Variants in SBK1 observed in about 807,000 individuals in gnomAD.
SBK1 encodes SH3 domain binding kinase 1.
SBK1 carries 11 observed loss-of-function variants against 24.4 expected under a neutral mutation model. The ratio of observed to expected loss-of-function variants is 0.45; its 90% CI spans 0.28 to 0.75. The LOEUF (loss-of-function observed/expected upper bound fraction) is 0.75. SBK1 is among the 30% of genes least tolerant of loss of function. The probability of loss-of-function intolerance (pLI) is 0.12; values close to 1 mark genes in which losing one functional copy is unlikely to be tolerated. For synonymous variants in SBK1, 308 were observed against 284.4 expected (o/e 1.08, Z -0.83); for missense variants, 467 against 620.5 (o/e 0.75, Z 2.63).
In SBK1 at chr16:28,322,976, CTCT is replaced by C. The variant is rs2044869215; in HGVS notation, c.*2056_*2058del. ...TCTCTCTCTCTCTCTCTCTCTCTCTCTCTCCTCTCTTTCTCTCTCTCCCTCTCT... is the reference window on the plus strand; with the variant it reads ...TCTCTCTCTCTCTCTCTCTCTCTCTCCCTCTCTTTCTCTCTCTCCCTCTCT... On this transcript the variant is annotated 3_prime_UTR_variant, in exon 4 of 4. Coordinates refer to ENST00000341901, the MANE Select transcript of SBK1 (RefSeq NM_001024401.3). 7.7e-6 allele frequency: 1 copy of C among 129,210 alleles called. No individual in the cohort carries two copies. Among genetic ancestry groups the C allele is most frequent in the Non-Finnish European group, 1.7e-5 (1 of 60,474 alleles). 8.0% of individuals were successfully genotyped at this position (129,210 alleles called of 1,614,324 possible). A position where few individuals can be genotyped will look rare whatever the true frequency, so the allele number is the denominator to read the frequency against.
At chr16:28,288,402 C>T (rs552079484), upstream of SBK1, among the ~76,000 whole-genome samples, 15 of 152,310 alleles carry the variant, frequency 9.8e-5, no homozygotes, top group South Asian at 2.9e-3. Flanking sequence ...CCTTCCATCC[C>T]TTGCACTACT....
chr16:28,315,508 C>A (rs1008140577), intron 1 of SBK1, among the ~76,000 whole-genome samples: 1 of 152,172 alleles, frequency 6.6e-6, no homozygotes, highest in African/African-American at 2.4e-5. Context: ...ACGCTGTAGT[C>A]CCAGCACTTT....
intron 1 of SBK1, among the ~76,000 whole-genome samples, chr16:28,308,815 C>T (rs1242313078): frequency 6.6e-6 from 1 of 151,036 alleles, no homozygotes; most frequent in East Asian, 2.0e-4. Context: ...ATGGGGTCCT[C>T]ACTCTGTTGT....
At chr16:28,273,188 G>T (rs1054717600) in intron 1 of SBK1, among the ~76,000 whole-genome samples, 87 of 151,694 alleles carry the variant, frequency 5.7e-4, no homozygotes, top group African/African-American at 2.0e-3. Context: ...TGGATTAAAG[G>T]TGTGAGCCAC....
chr16:28,268,055 G>C (rs1183885743), intron 1 of SBK1, among the ~76,000 whole-genome samples: 1 of 152,144 alleles, frequency 6.6e-6, no homozygotes, highest in African/African-American at 2.4e-5. Flanking sequence ...GCTGAGGTGG[G>C]AGGATTGCTT....
At chr16:28,266,995 C>T (rs1354606131) in intron 1 of SBK1, among the ~76,000 whole-genome samples, 1 of 152,096 alleles carries the variant, frequency 6.6e-6, no homozygotes. Flanking sequence ...CAACCTCTGC[C>T]TCCAGGGTTC....
intron 1 of SBK1, among the ~76,000 whole-genome samples, chr16:28,310,988 C>T (rs1188499885): frequency 2.6e-5 from 4 of 152,198 alleles, no homozygotes; most frequent in South Asian, 2.1e-4. Flanking sequence ...ATGTACCTGG[C>T]GGATGACGCA....
intron 1 of SBK1, among the ~76,000 whole-genome samples, chr16:28,304,187 A>G (rs2044699516): frequency 6.6e-6 from 1 of 152,232 alleles, no homozygotes; most frequent in African/African-American, 2.4e-5. Context: ...GTTTGGTCAA[A>G]TGAATGGCAG....
intron 1 of SBK1, among the ~76,000 whole-genome samples, chr16:28,314,910 C>T (rs1271773648): frequency 2.0e-5 from 3 of 151,996 alleles, no homozygotes; most frequent in East Asian, 1.9e-4. Context: ...ACCCAAGAGG[C>T]GGAGGTTGCA....
chr16:28,288,537 G>GTTCT (rs2044580268), upstream of SBK1, among the ~76,000 whole-genome samples: 2 of 152,350 alleles, frequency 1.3e-5, no homozygotes, highest in South Asian at 4.1e-4. Flanking sequence ...ACCAGCGCTT[G>GTTCT]TTCTTTCTTT....
intron 1 of SBK1, chr16:28,286,190 C>G (rs529445071): frequency 6.6e-6 from 1 of 152,490 alleles, no homozygotes; most frequent in Admixed American, 6.5e-5. Context: ...GTTTTCCTAT[C>G]AGCAATAACT....
In SBK1 at chr16:28,320,752, C is replaced by A; in HGVS notation, c.1106C>A (p.Ala369Asp). The A allele has an allele frequency of 1.6e-6, 2 of 1,267,140 alleles. No individual in the cohort carries two copies. The allele number at this position is 1,267,140 out of a possible 1,614,324, so 78.5% of individuals were successfully genotyped here. The change falls in exon 4 of 4, where the codon GCC becomes GAC. Residue 369 changes from alanine (A) to aspartate (D), a missense_variant. Physicochemically the swap from Ala to Asp is moderately radical, Grantham distance 126 (BLOSUM62 -2). Around this residue, in one of 4 missense-constraint regions of SBK1, gnomAD observed 166 missense variants for 146.8 expected, o/e 1.13. Transcript: ENST00000341901. This position sits in a 1 kb window ranked among gnomAD's most constrained non-coding sequence, Gnocchi z 8.5. ...AGCGGCTCCCGGCCCGCGCCCCCCG[C>A]CGTCGGGTCGGTGCCCTTGCCCGTG... is the stretch of plus-strand genomic sequence containing the variant. ...SGSGSRPAPP[A>D]VGSVPLPVPV... is the part of the protein sequence containing the mutation.
chr16:28,289,537 G>C (rs145722307), upstream of SBK1, among the ~76,000 whole-genome samples: 155 of 152,292 alleles, frequency 1.0e-3, no homozygotes, highest in African/African-American at 3.5e-3. Context: ...AGGCTGAGGT[G>C]GACAGCTCAC....
chr16:28,277,954 T>C (rs892518478), intron 1 of SBK1, among the ~76,000 whole-genome samples: 3 of 152,254 alleles, frequency 2.0e-5, no homozygotes, highest in African/African-American at 2.4e-5. Context: ...CACAGAACCC[T>C]GGGCTTGGCC....
In SBK1 at chr16:28,272,222, A is replaced by G. The variant is rs1045197295; in HGVS notation, c.257+12720A>G. The stretch of plus-strand genomic sequence containing the variant: ...GTAGCTGGGACTACAGATGCATGCC[A>G]CCATGTCCAGTTAATTTTTAAATTT... On this transcript the variant is annotated intron_variant, in intron 1 of 3. Coordinates refer to the SBK1 transcript ENST00000671413. Among the ~76,000 whole-genome samples the G allele has an allele frequency of 1.7e-4, 26 of 151,940 alleles. No individual in the cohort carries two copies. The Admixed American group carries it at 1.7e-3, about 10-fold the overall frequency.
chr16:28,321,182 A>AACACACACAC lies in SBK1; in HGVS notation c.*308_*317dup, dbSNP rs55860114. On this transcript the variant is annotated 3_prime_UTR_variant, in exon 4 of 4. Transcript: ENST00000341901. ...CCCGAGAATTCGGAGGCCACCACACAACACACACACACACACACACACACA... is the reference window on the plus strand; with the variant it reads ...CCCGAGAATTCGGAGGCCACCACACAACACACACACACACACACACACACACACACACACA... 371 of 192,046 alleles carry AACACACACAC rather than the reference A, an allele frequency of 1.9e-3. 8 individuals are homozygous for AACACACACAC. The highest frequency in any genetic ancestry group is 6.0e-3 in the African/African-American group (194 of 32,518). The allele number at this position is 192,046 out of a possible 1,614,324, so 11.9% of individuals were successfully genotyped here.
intron 1 of SBK1, among the ~76,000 whole-genome samples, chr16:28,308,848 GATC>G (rs2044735218): frequency 6.6e-6 from 1 of 151,644 alleles, no homozygotes; most frequent in South Asian, 2.1e-4. Context: ...ACAGTGGTGT[GATC>G]ATGTCTCACT....
At chr16:28,280,324 ACG>A in intron 1 of SBK1, among the ~76,000 whole-genome samples, 1 of 133,602 alleles carries the variant, frequency 7.5e-6, no homozygotes, top group South Asian at 2.4e-4. Flanking sequence ...ATATATATAT[ACG>A]TACATATGTA....
Position 28,292,966 on chromosome 16 carries a change from A to AC in SBK1, c.-337dup. 3 of 978,550 alleles carry AC rather than the reference A, an allele frequency of 3.1e-6. No homozygotes were observed. The highest frequency in any genetic ancestry group is 5.3e-4 in the Middle Eastern group (1 of 1,898). 60.6% of individuals were successfully genotyped at this position (978,550 alleles called of 1,614,324 possible). ...GTGCCCCCAGGCCGGGATTGCGAGA[A>AC]CCCCCTCCCAAGATCCGGTCATTAC... On this transcript the variant is annotated 5_prime_UTR_variant, in exon 1 of 4. Transcript: ENST00000341901.
Sources: gnomAD v4.1 joint callset for allele counts (sites outside exome capture counted in the v4.1 genomes callset) on GRCh38, gnomAD v4.1.1 for gene constraint, gnomAD v4.1.1 regional missense constraint, Gnocchi (gnomAD v3.1) non-coding constraint, MANE v1.5 for transcripts, NCBI Gene and HGNC (gene_info 2026-07-23, HGNC 2026-07-21) for gene names.